Variants in PPP3CC observed in about 807,000 individuals in gnomAD.
PPP3CC encodes serine/threonine-protein phosphatase 2B catalytic subunit gamma isoform.
A neutral mutation model predicts 60.3 loss-of-function variants in PPP3CC; 35 were observed. The ratio of observed to expected loss-of-function variants is 0.58; its 90% CI spans 0.44 to 0.77. PPP3CC has a LOEUF of 0.77. Ranked by LOEUF, PPP3CC falls within the 30% of genes least tolerant of loss-of-function variation. The pLI is 0.00. For missense variants in PPP3CC, 570 were observed against 628.9 expected (o/e 0.91, Z 1.00); for synonymous variants, 206 against 224.3 (o/e 0.92, Z 0.73).
intron 11 of PPP3CC, 70 bp from the exon 12 acceptor site, chr8:22,532,851 C>T: frequency 9.2e-7 from 1 of 1,090,398 alleles, no homozygotes; most frequent in Non-Finnish European, 1.3e-6. Flanking sequence ...TCTTCACTTC[C>T]TTCAATATCT....
At chr8:22,505,806 G>C (rs1347825293) in intron 4 of PPP3CC, among the ~76,000 whole-genome samples, 9 of 152,102 alleles carry the variant, frequency 5.9e-5, no homozygotes, top group African/African-American at 2.2e-4. Context: ...ATGTGAGGAG[G>C]CTAGAAGATA....
rs148489812 is a variant in PPP3CC at position 22,497,954 on chromosome 8, A to G, written c.373-47A>G. 8.7e-3 allele frequency: 11,184 copies of G among 1,290,268 alleles called. 60 individuals are homozygous for G. Among genetic ancestry groups the G allele is most frequent in the Non-Finnish European group, 0.011 (9,723 of 909,044 alleles). The allele number at this position is 1,290,268 out of a possible 1,614,324, so 79.9% of individuals were successfully genotyped here. On this transcript the variant is annotated intron_variant, in intron 3 of 13. Coordinates refer to ENST00000240139, the MANE Select transcript of PPP3CC (RefSeq NM_005605.5). The stretch of plus-strand genomic sequence containing the variant: ...TGAATTATATAAATTGTGTTTATGC[A>G]TTATAATGGTCACAAAGAAAATTTT...
intron 1 of PPP3CC, among the ~76,000 whole-genome samples, chr8:22,461,996 A>G (rs1454417047): frequency 6.6e-6 from 1 of 152,114 alleles, no homozygotes; most frequent in African/African-American, 2.4e-5. Flanking sequence ...GTGCATTGGG[A>G]GTCTAGGATG....
chr8:22,531,829 C>T lies in PPP3CC; in HGVS notation c.1142-396C>T, dbSNP rs372069221. ...GAATGATCACTTGCCATTTGGCAGG[C>T]CGAACCCTGCACCCTAAGGTGGCCC... On this transcript the variant is annotated intron_variant, in intron 10 of 13. Coordinates refer to ENST00000240139, the MANE Select transcript of PPP3CC (RefSeq NM_005605.5). 1.2e-4 allele frequency among the ~76,000 whole-genome samples: 18 copies of T among 152,326 alleles called. 1 individual carries two copies. Among genetic ancestry groups the T allele is most frequent in the African/African-American group, 4.1e-4 (17 of 41,566 alleles).
chr8:22,493,141 C>G, intron 3 of PPP3CC: 1 of 1,522,214 alleles, frequency 6.6e-7, no homozygotes, highest in South Asian at 1.1e-5. Context: ...GAAGATAAAA[C>G]TTGAAGAAGT....
chr8:22,527,954 G>A (rs1839604618), intron 9 of PPP3CC, among the ~76,000 whole-genome samples: 1 of 152,058 alleles, frequency 6.6e-6, no homozygotes, highest in Non-Finnish European at 1.5e-5. Flanking sequence ...ATTTGTAAAT[G>A]GCATGTAATT....
intron 1 of PPP3CC, among the ~76,000 whole-genome samples, chr8:22,454,813 A>G (rs1837144614): frequency 6.6e-6 from 1 of 152,184 alleles, no homozygotes; most frequent in African/African-American, 2.4e-5. Flanking sequence ...TCACGCCTGT[A>G]ATCCCAGCAC....
chr8:22,540,228 T>G (rs1839930268), intron 13 of PPP3CC, among the ~76,000 whole-genome samples: 1 of 152,160 alleles, frequency 6.6e-6, no homozygotes, highest in Non-Finnish European at 1.5e-5. Flanking sequence ...CTACCCTGGG[T>G]TTAACTTGTT....
At chr8:22,486,022 G>A (rs1297493832) in intron 3 of PPP3CC, among the ~76,000 whole-genome samples, 1 of 152,020 alleles carries the variant, frequency 6.6e-6, no homozygotes, top group Non-Finnish European at 1.5e-5. Flanking sequence ...TTACATTTTT[G>A]GGTCAATGTT....
At chr8:22,485,478 T>A (rs116630108) in intron 3 of PPP3CC, among the ~76,000 whole-genome samples, 3,045 of 152,120 alleles carry the variant, frequency 0.02, 65 homozygotes, top group East Asian at 0.086. Flanking sequence ...AAATCCCAGA[T>A]AAAACAGAAC....
At chr8:22,481,345 AAATAATAATAAT>A (rs56115827) in intron 3 of PPP3CC, among the ~76,000 whole-genome samples, 45 of 143,996 alleles carry the variant, frequency 3.1e-4, no homozygotes, top group Non-Finnish European at 4.4e-4. Flanking sequence ...CAAGAAAAAT[AAATAATAATAAT>A]AATAATAATA....
chr8:22,470,270 A>G (rs1837683679), intron 1 of PPP3CC, among the ~76,000 whole-genome samples: 1 of 152,042 alleles, frequency 6.6e-6, no homozygotes, highest in Admixed American at 6.6e-5. Flanking sequence ...TATAGGTGTG[A>G]GCCACGATGC....
At chr8:22,477,435 C>T (rs747508196) in intron 3 of PPP3CC, among the ~76,000 whole-genome samples, 1 of 150,946 alleles carries the variant, frequency 6.6e-6, no homozygotes, top group Non-Finnish European at 1.5e-5. Context: ...TATTGTGCCG[C>T]TACACTCCAG....
intron 1 of PPP3CC, among the ~76,000 whole-genome samples, chr8:22,464,002 G>A (rs1837442060): frequency 1.3e-5 from 2 of 151,930 alleles, no homozygotes; most frequent in South Asian, 4.1e-4. Context: ...TGGTCAGGCT[G>A]GTCTCGAACT....
At chr8:22,447,218 C>T (rs1453077848) in intron 1 of PPP3CC, among the ~76,000 whole-genome samples, 9 of 57,916 alleles carry the variant, frequency 1.6e-4, no homozygotes, top group East Asian at 8.8e-4. Flanking sequence ...CTCGCTCTGT[C>T]GTCCAGGCTG....
At chr8:22,473,468 C>CA in intron 1 of PPP3CC, among the ~76,000 whole-genome samples, 1 of 146,936 alleles carries the variant, frequency 6.8e-6, no homozygotes, top group South Asian at 2.1e-4. Context: ...CCCTTATCCA[C>CA]TTTTTTTTTT....
At chr8:22,505,751 C>T (rs1838897312) in intron 4 of PPP3CC, among the ~76,000 whole-genome samples, 1 of 152,116 alleles carries the variant, frequency 6.6e-6, no homozygotes, top group Non-Finnish European at 1.5e-5. Flanking sequence ...CACTTACATG[C>T]TGAATCGGAC....
Position 22,526,238 on chromosome 8 carries a change from T to C in PPP3CC, c.944-1154T>C, listed in dbSNP as rs116264717. Reference sequence around the variant, plus strand: ...TTTAATCATGATTTTTAAAGATTCTTATTCTTGTTTTCTTCTGTCCACTGG... The same window carrying C: ...TTTAATCATGATTTTTAAAGATTCTCATTCTTGTTTTCTTCTGTCCACTGG... On this transcript the variant is annotated intron_variant, in intron 8 of 13. Coordinates refer to ENST00000240139, the MANE Select transcript of PPP3CC (RefSeq NM_005605.5). 1.6e-3 allele frequency among the ~76,000 whole-genome samples: 245 copies of C among 152,338 alleles called. 2 individuals are homozygous for C. The highest frequency in any genetic ancestry group is 5.7e-3 in the African/African-American group (235 of 41,566).
intron 6 of PPP3CC, among the ~76,000 whole-genome samples, chr8:22,521,751 T>C (rs1256863258): frequency 6.6e-6 from 1 of 152,216 alleles, no homozygotes; most frequent in Non-Finnish European, 1.5e-5. Flanking sequence ...TAATTTTGTA[T>C]ACTCCAGTTC....
Sources: gnomAD v4.1 joint callset for allele counts (sites outside exome capture counted in the v4.1 genomes callset) on GRCh38, gnomAD v4.1.1 for gene constraint, MANE v1.5 for transcripts, NCBI Gene and HGNC (gene_info 2026-07-23, HGNC 2026-07-21) for gene names.